The following PI4KA variants were observed in gnomAD, a reference collection of about 807,000 sequenced individuals.
PI4KA encodes the protein PI4-kinase alpha.
PI4KA carries 122 observed loss-of-function variants against 271.4 expected under a neutral mutation model. That is an observed-to-expected ratio of 0.45 (90% CI 0.39 to 0.52). PI4KA has a LOEUF of 0.52. Among genes scored for constraint, PI4KA ranks in the 20% least tolerant of loss-of-function variants. The probability of loss-of-function intolerance (pLI) is 0.00; values close to 1 mark genes in which losing one functional copy is unlikely to be tolerated. For synonymous variants in PI4KA, 1,041 were observed against 1,078.8 expected, an observed-to-expected ratio of 0.96 and a Z score of 0.69; for missense variants, 1,969 against 2,769.1, an observed-to-expected ratio of 0.71 and a Z score of 6.48.
chr22:20,799,023 A>G (rs1935141163), intron 16 of PI4KA, 70 bp downstream of exon 16: 1 of 1,269,662 alleles, frequency 7.9e-7, no homozygotes, highest in Admixed American at 2.1e-5. Flanking sequence ...GTATTTGTAC[A>G]TCCCTTATAG....
chr22:20,803,718 G>A (rs999444522), intron 12 of PI4KA, among the ~76,000 whole-genome samples: 1 of 151,958 alleles, frequency 6.6e-6, no homozygotes, highest in African/African-American at 2.4e-5. Flanking sequence ...TTTTTGTGCA[G>A]ACGGAGTCTC....
intron 1 of PI4KA, among the ~76,000 whole-genome samples, chr22:20,844,423 C>A (rs1164030320): frequency 6.6e-6 from 1 of 152,138 alleles, no homozygotes; most frequent in Admixed American, 6.5e-5. Context: ...TATCTGCTGC[C>A]TTACTGAATG....
intron 2 of PI4KA, among the ~76,000 whole-genome samples, chr22:20,836,394 C>T (rs1162919163): frequency 6.6e-6 from 1 of 152,176 alleles, no homozygotes; most frequent in Non-Finnish European, 1.5e-5. Context: ...TTTCTCTAAA[C>T]CATAAAAAGG....
At chr22:20,788,154 C>T (rs1934392113) in intron 19 of PI4KA, among the ~76,000 whole-genome samples, 1 of 152,182 alleles carries the variant, frequency 6.6e-6, no homozygotes, top group South Asian at 2.1e-4. Flanking sequence ...GTCACAGGTG[C>T]TGTGTGTGCA....
chr22:20,796,078 T>G, intron 18 of PI4KA, 68 bp downstream of exon 18: 2 of 1,462,866 alleles, frequency 1.4e-6, no homozygotes, highest in Non-Finnish European at 1.9e-6. Flanking sequence ...AGATGGTGCC[T>G]GAAGACTAAG....
intron 19 of PI4KA, chr22:20,786,815 G>A: frequency 2.0e-6 from 3 of 1,495,680 alleles, no homozygotes; most frequent in Middle Eastern, 3.4e-4. Flanking sequence ...AGATTGTGCT[G>A]GGAACTCTAG....
intron 3 of PI4KA, 115 bp from the exon 4 acceptor site, chr22:20,824,529 C>G (rs945158618): frequency 3.0e-6 from 2 of 664,050 alleles, no homozygotes; most frequent in Non-Finnish European, 5.2e-6. Flanking sequence ...GACCAGTTTA[C>G]AGCAGCTGCC....
intron 19 of PI4KA, among the ~76,000 whole-genome samples, chr22:20,788,685 C>G (rs1439806920): frequency 6.6e-6 from 1 of 152,194 alleles, no homozygotes; most frequent in Non-Finnish European, 1.5e-5. Context: ...TCCTGGTGAA[C>G]CCTGATGCTG....
intron 19 of PI4KA, chr22:20,786,806 G>A: frequency 6.9e-7 from 1 of 1,439,908 alleles, no homozygotes; most frequent in Non-Finnish European, 9.8e-7. Flanking sequence ...AATGATATGA[G>A]ATTGTGCTGG....
At chr22:20,760,893 G>A (rs1212835712) in intron 23 of PI4KA, among the ~76,000 whole-genome samples, 1 of 152,132 alleles carries the variant, frequency 6.6e-6, no homozygotes, top group Non-Finnish European at 1.5e-5. Context: ...TGAACTCCTG[G>A]GCTCAAGCGA....
At chr22:20,745,046 CCTT>C (rs764381751) in intron 29 of PI4KA, among the ~76,000 whole-genome samples, 1 of 152,168 alleles carries the variant, frequency 6.6e-6, no homozygotes, top group Non-Finnish European at 1.5e-5. Context: ...ACAGCCGTCT[CCTT>C]GAGAGTTGCG....
intron 19 of PI4KA, chr22:20,786,042 A>G (rs762064206): frequency 6.2e-7 from 1 of 1,614,190 alleles, no homozygotes; most frequent in South Asian, 1.1e-5. Flanking sequence ...AAGCTGGAGA[A>G]GAACTACAAT....
chr22:20,799,204 C>A lies in PI4KA; in HGVS notation c.1893G>T (p.Pro631=), dbSNP rs149129705. Residue 631 remains proline, a synonymous_variant, in exon 16 of 55, where the codon CCG becomes CCT. Transcript: ENST00000255882. ...TCTGCAGAATGGGCTCCATGACCTT[C>A]GGGGTGTCCCTCAAGGCCACCGCAA... ...GHIAVALRDT[P]KVMEPILQIL... is the part of the protein sequence containing the mutation. The A allele has an allele frequency of 1.3e-6, 2 of 1,591,222 alleles. No individual in the cohort carries two copies. Among genetic ancestry groups the A allele is most frequent in the Admixed American group, 3.5e-5 (2 of 56,962 alleles).
intron 2 of PI4KA, among the ~76,000 whole-genome samples, chr22:20,835,342 A>G (rs1843876981): frequency 6.6e-6 from 1 of 152,168 alleles, no homozygotes; most frequent in Non-Finnish European, 1.5e-5. Context: ...TAAGGATTAG[A>G]TGTGCTCCAG....
Position 20,734,076 on chromosome 22 carries a change from T to G in PI4KA, c.4019A>C (p.Asn1340Thr). 11 of 1,605,102 alleles carry G rather than the reference T, an allele frequency of 6.9e-6. No individual in the cohort carries two copies. Among genetic ancestry groups the G allele is most frequent in the Non-Finnish European group, 8.5e-6 (10 of 1,176,660 alleles). ...GGGCCCGATGGCCGCCACGTGCCGGTTCATGCTCCCCTTGGCCCCGCCGAT... is the reference window on the plus strand; with the variant it reads ...GGGCCCGATGGCCGCCACGTGCCGGGTCATGCTCCCCTTGGCCCCGCCGAT... ...LNIGGAKGSM[N>T]RHVAAIGPRF... is the part of the protein sequence containing the mutation. Residue 1340 changes from asparagine to threonine, a missense_variant, in exon 34 of 55, where the codon AAC (asparagine) becomes ACC (threonine). Physicochemically the swap from Asn to Thr is moderately conservative, Grantham distance 65. Transcript: ENST00000255882.
chr22:20,857,902 C>T (rs1421063779), intron 1 of PI4KA, among the ~76,000 whole-genome samples: 4 of 152,196 alleles, frequency 2.6e-5, no homozygotes, highest in African/African-American at 9.7e-5. Context: ...CTTCACCTTT[C>T]TCTTCTGAAG....
rs752277306 is a variant in PI4KA, at chr22:20,749,971, T to G, written c.3177A>C (p.Ala1059=). 3.1e-6 allele frequency: 5 copies of G among 1,613,500 alleles called. No homozygotes were observed. The highest frequency in any genetic ancestry group is 4.2e-6 in the Non-Finnish European group (5 of 1,179,418). The stretch of plus-strand genomic sequence containing the variant: ...CCTCCTGGAGGATCATCCCACAGCG[T>G]GCAGCGAAGTCCTTCACAATGCTCT... The part of the protein sequence containing the change: ...ARESIVKDFA[A]RCGMILQEAM... Residue 1059 remains alanine (A), a synonymous_variant, in exon 28 of 55, where the codon GCA becomes GCC. Transcript: ENST00000255882.
At chr22:20,775,548 A>T (rs1484709521) in intron 19 of PI4KA, among the ~76,000 whole-genome samples, 1 of 152,196 alleles carries the variant, frequency 6.6e-6, no homozygotes, top group Non-Finnish European at 1.5e-5. Flanking sequence ...CTGGCCTCAG[A>T]TACGTTTTCC....
chr22:20,804,167 T>G, intron 12 of PI4KA, 133 bp downstream of exon 12: 2 of 661,652 alleles, frequency 3.0e-6, no homozygotes, highest in South Asian at 3.4e-5. Flanking sequence ...CACGCACTGG[T>G]TAAAGCTCCT....
Sources: gnomAD v4.1 joint callset for allele counts (sites outside exome capture counted in the v4.1 genomes callset) on GRCh38, gnomAD v4.1.1 for gene constraint, MANE v1.5 for transcripts, NCBI Gene and HGNC (gene_info 2026-07-23, HGNC 2026-07-21) for gene names.